CDH13: variants seen among roughly 807,000 people sequenced by gnomAD.
CDH13 encodes cadherin-13.
CDH13 carries 24 observed loss-of-function variants against 63.8 expected under a neutral mutation model. The ratio of observed to expected loss-of-function variants is 0.38; its 90% CI spans 0.27 to 0.53. The LOEUF (loss-of-function observed/expected upper bound fraction) is 0.53, where lower values mean the gene tolerates loss of function less well. Ranked by LOEUF, CDH13 falls within the 20% of genes least tolerant of loss-of-function variation. CDH13 has a pLI of 0.85. For synonymous variants in CDH13, 503 were observed against 355.3 expected (o/e 1.42, Z -4.67); for missense variants, 1,049 against 903.1 (o/e 1.16, Z -2.07).
chr16:83,708,724 C>T (rs1324548675), intron 10 of CDH13, among the ~76,000 whole-genome samples: 16 of 152,182 alleles, frequency 1.1e-4, no homozygotes, highest in Non-Finnish European at 2.9e-5. Flanking sequence ...CCATAAAAGT[C>T]CTTATAAGAA....
chr16:83,504,595 C>T (rs1438563224), intron 7 of CDH13, among the ~76,000 whole-genome samples: 1 of 152,066 alleles, frequency 6.6e-6, no homozygotes, highest in Non-Finnish European at 1.5e-5. Flanking sequence ...AAGATGGGAC[C>T]CACTCCGGGT....
intron 3 of CDH13, among the ~76,000 whole-genome samples, chr16:83,068,146 G>A (rs2032160188): frequency 6.6e-6 from 1 of 152,198 alleles, no homozygotes; most frequent in South Asian, 2.1e-4. Context: ...GATCTGCTGG[G>A]TTGAATTGTA....
At chr16:83,486,875 G>C (rs564877284) in intron 7 of CDH13, among the ~76,000 whole-genome samples, 2 of 152,260 alleles carry the variant, frequency 1.3e-5, no homozygotes, top group East Asian at 1.9e-4. Flanking sequence ...GGAACTGTTT[G>C]TATTCACTCA....
At chr16:82,730,312 C>T (rs1206687556) in intron 1 of CDH13, among the ~76,000 whole-genome samples, 3 of 152,174 alleles carry the variant, frequency 2.0e-5, no homozygotes, top group Non-Finnish European at 2.9e-5. Flanking sequence ...AGGTATGCAA[C>T]TCTTCCTTTT....
chr16:83,569,186 C>T (rs527517489), intron 7 of CDH13, among the ~76,000 whole-genome samples: 1 of 152,266 alleles, frequency 6.6e-6, no homozygotes, highest in African/African-American at 2.4e-5. Flanking sequence ...CCTTTGCACT[C>T]TTTCCTTCCC....
chr16:83,426,059 C>T (rs976757689), intron 6 of CDH13, among the ~76,000 whole-genome samples: 1 of 152,162 alleles, frequency 6.6e-6, no homozygotes, highest in Admixed American at 6.5e-5. Flanking sequence ...AACTTCTTAA[C>T]TCCAATGTTT....
chr16:83,568,865 C>G (rs980374997), intron 7 of CDH13, among the ~76,000 whole-genome samples: 2 of 152,132 alleles, frequency 1.3e-5, no homozygotes, highest in African/African-American at 4.8e-5. Context: ...ACTTCCAGCT[C>G]CTGCCTCTCT....
intron 7 of CDH13, among the ~76,000 whole-genome samples, chr16:83,490,743 A>T (rs1187787920): frequency 6.6e-6 from 1 of 152,216 alleles, no homozygotes; most frequent in African/African-American, 2.4e-5. Context: ...CGTGATTCAC[A>T]CTGGCTTGAA....
intron 1 of CDH13, chr16:82,639,359 G>C (rs1169760410): frequency 6.5e-7 from 1 of 1,534,282 alleles, no homozygotes. Context: ...CTTTTGACCA[G>C]GGCCAAACAA....
chr16:83,545,072 G>C (rs1006961867), intron 7 of CDH13, among the ~76,000 whole-genome samples: 1 of 152,168 alleles, frequency 6.6e-6, no homozygotes, highest in Non-Finnish European at 1.5e-5. Flanking sequence ...CCTTCAGGGA[G>C]TACTTAAAAA....
intron 10 of CDH13, among the ~76,000 whole-genome samples, chr16:83,698,926 C>T (rs1189930072): frequency 6.6e-5 from 10 of 152,240 alleles, no homozygotes; most frequent in East Asian, 1.9e-4. Flanking sequence ...CACAGGGAGT[C>T]AGAGGGCCAG....
intron 2 of CDH13, among the ~76,000 whole-genome samples, chr16:82,925,173 C>G (rs564142941): frequency 6.6e-6 from 1 of 152,246 alleles, no homozygotes; most frequent in South Asian, 2.1e-4. Flanking sequence ...TCAGGGGCTG[C>G]CTCCTTTAGC....
chr16:83,308,177 C>G (rs924271256), intron 5 of CDH13, among the ~76,000 whole-genome samples: 1 of 151,974 alleles, frequency 6.6e-6, no homozygotes. Context: ...GTTGTTCTAA[C>G]AAAGAAAACC....
At chr16:82,902,634 T>G (rs149938886) in intron 2 of CDH13, among the ~76,000 whole-genome samples, 5 of 147,212 alleles carry the variant, frequency 3.4e-5, no homozygotes, top group African/African-American at 1.2e-4. Flanking sequence ...CCCCTACAAC[T>G]CTACCTATAC....
At chr16:82,848,017 A>G (rs181895960) in intron 1 of CDH13, among the ~76,000 whole-genome samples, 17 of 152,286 alleles carry the variant, frequency 1.1e-4, no homozygotes, top group Admixed American at 1.0e-3. Context: ...TTGGGAAGAA[A>G]GACTTGCAAT....
chr16:83,431,215 C>T (rs898765449), intron 6 of CDH13, among the ~76,000 whole-genome samples: 5 of 151,728 alleles, frequency 3.3e-5, no homozygotes, highest in Non-Finnish European at 5.9e-5. Context: ...TCCAGTCTAT[C>T]ATTGTTGGAC....
At chr16:83,079,671 A>C (rs2033104033) in intron 3 of CDH13, among the ~76,000 whole-genome samples, 1 of 152,248 alleles carries the variant, frequency 6.6e-6, no homozygotes, top group African/African-American at 2.4e-5. Context: ...TAAATGTATA[A>C]ATAAAAGATT....
chr16:83,187,391 A>T (rs563606936), intron 4 of CDH13, among the ~76,000 whole-genome samples: 1 of 152,258 alleles, frequency 6.6e-6, no homozygotes, highest in South Asian at 2.1e-4. Flanking sequence ...CTCAAATGCC[A>T]GCTGATTTAG....
intron 5 of CDH13, among the ~76,000 whole-genome samples, chr16:83,258,017 A>C (rs1906501616): frequency 6.6e-6 from 1 of 152,218 alleles, no homozygotes; most frequent in African/African-American, 2.4e-5. Flanking sequence ...CTCTAATGAC[A>C]CTGATCATTT....
Sources: gnomAD v4.1 joint callset for allele counts (sites outside exome capture counted in the v4.1 genomes callset) on GRCh38, gnomAD v4.1.1 for gene constraint, MANE v1.5 for transcripts, NCBI Gene and HGNC (gene_info 2026-07-23, HGNC 2026-07-21) for gene names.